The following CHM variants were observed in gnomAD, a reference collection of about 807,000 sequenced individuals.
CHM encodes the protein CHM Rab escort protein.
CHM carries 10 observed loss-of-function variants against 49.0 expected under a neutral mutation model. The ratio of observed to expected loss-of-function variants is 0.20; its 90% confidence interval spans 0.13 to 0.35. CHM has a LOEUF of 0.35. CHM is among the 10% of genes least tolerant of loss of function. CHM has a pLI of 1.00. For synonymous variants in CHM, 184 were observed against 167.5 expected (o/e 1.10, Z -0.76); for missense variants, 455 against 478.4 (o/e 0.95, Z 0.46).
intron 2 of CHM, among the ~76,000 whole-genome samples, chrX:85,989,751 T>A (rs767451264): frequency 1.8e-5 from 2 of 111,726 alleles, no homozygotes; most frequent in Non-Finnish European, 3.8e-5. Context: ...AAACTCAATA[T>A]TACTAATCAT....
At chrX:85,951,865 C>T (rs751295780) in intron 8 of CHM, among the ~76,000 whole-genome samples, 6 of 111,992 alleles carry the variant, frequency 5.4e-5, no homozygotes, top group Admixed American at 4.7e-4. Context: ...CCCAATTCCA[C>T]GGCAGTGGCC....
chrX:85,940,499 C>G (rs1378685722), intron 8 of CHM, among the ~76,000 whole-genome samples: 1 of 111,326 alleles, frequency 9.0e-6, no homozygotes, highest in Non-Finnish European at 1.9e-5. Context: ...TGTTTAGAGA[C>G]ATTTTTGTCT....
intron 13 of CHM, among the ~76,000 whole-genome samples, chrX:85,876,454 C>T (rs1355851200): frequency 9.0e-6 from 1 of 111,707 alleles, no homozygotes; most frequent in Non-Finnish European, 1.9e-5. Flanking sequence ...GAAGAATGTG[C>T]TTTAATGTAT....
intron 1 of CHM, among the ~76,000 whole-genome samples, chrX:86,031,448 T>C (rs1402085093): frequency 8.9e-6 from 1 of 112,050 alleles, no homozygotes; most frequent in African/African-American, 3.2e-5. Context: ...AGCCAGATCA[T>C]GGTCAAATCA....
At chrX:85,915,941 A>G (rs774884589) in intron 8 of CHM, among the ~76,000 whole-genome samples, 39 of 112,570 alleles carry the variant, frequency 3.5e-4, no homozygotes, top group Non-Finnish European at 6.0e-4. Flanking sequence ...GACTACAAAA[A>G]AAACTATTTT....
At chrX:86,022,791 G>A (rs1933661115) in intron 2 of CHM, among the ~76,000 whole-genome samples, 1 of 110,708 alleles carries the variant, frequency 9.0e-6, no homozygotes, top group Non-Finnish European at 1.9e-5. Flanking sequence ...GTATGTCACT[G>A]GTACCTCAAA....
intron 8 of CHM, among the ~76,000 whole-genome samples, chrX:85,927,024 G>A (rs1356225009): frequency 8.1e-5 from 9 of 110,999 alleles, no homozygotes; most frequent in African/African-American, 1.3e-4. Context: ...TGAAAAAATG[G>A]GCATTTATTT....
intron 1 of CHM, among the ~76,000 whole-genome samples, chrX:86,032,574 C>A (rs1413345248): frequency 9.0e-6 from 1 of 111,574 alleles, no homozygotes; most frequent in East Asian, 2.8e-4. Flanking sequence ...AGTCCAATAA[C>A]CTTTTCTTTA....
At position 85,978,815 on chromosome X, in the gene CHM, C is replaced by T; in HGVS notation, c.266G>A (p.Ser89Asn). The T allele has an allele frequency of 1.7e-6, 2 of 1,207,076 alleles. No individual in the cohort carries two copies. Among genetic ancestry groups the T allele is most frequent in the Non-Finnish European group, 2.2e-6 (2 of 891,726 alleles). ...ILENEEAIAL[S>N]RKDKTIQHVE... The stretch of plus-strand genomic sequence containing the variant: ...ATGTTGAATAGTTTTGTCCTTCCTG[C>T]TAAGAGCAATGGCTTCTTCATTTTC... Residue 89 changes from serine (S) to asparagine (N), a missense_variant, in exon 4 of 15, where the codon AGC becomes AAC. Coordinates refer to ENST00000357749, the MANE Select transcript of CHM (RefSeq NM_000390.4).
chrX:86,035,220 TGAGCAACGCAAA>T (rs1206275771), intron 1 of CHM, among the ~76,000 whole-genome samples: 1 of 111,910 alleles, frequency 8.9e-6, no homozygotes, highest in African/African-American at 3.3e-5. Flanking sequence ...CACTTAAAAA[TGAGCAACGCAAA>T]AGGATTTCAG....
intron 4 of CHM, among the ~76,000 whole-genome samples, chrX:85,976,470 A>C (rs1201135366): frequency 9.1e-6 from 1 of 110,472 alleles, no homozygotes; most frequent in Non-Finnish European, 1.9e-5. Flanking sequence ...AAAATACAAA[A>C]AATTAGCCGG....
At chrX:85,954,713 G>T (rs1485543949) in intron 8 of CHM, among the ~76,000 whole-genome samples, 1 of 110,210 alleles carries the variant, frequency 9.1e-6, no homozygotes, top group African/African-American at 3.3e-5. Context: ...CCAAGATGCT[G>T]AAACTCCATC....
At chrX:85,977,802 G>A (rs1439729290) in intron 4 of CHM, among the ~76,000 whole-genome samples, 1 of 111,688 alleles carries the variant, frequency 9.0e-6, no homozygotes, top group East Asian at 2.8e-4. Context: ...CATTTCAAAG[G>A]CTGTGCTTTT....
intron 6 of CHM, 72 bp from the exon 7 acceptor site, chrX:85,958,047 TC>T (rs1364043806): frequency 8.8e-7 from 1 of 1,140,237 alleles, no homozygotes; most frequent in Non-Finnish European, 1.2e-6. Context: ...TACACTTTTT[TC>T]CCCTTTACAT....
At chrX:86,026,498 C>T (rs1933830274) in intron 2 of CHM, among the ~76,000 whole-genome samples, 1 of 110,710 alleles carries the variant, frequency 9.0e-6, no homozygotes, top group Non-Finnish European at 1.9e-5. Flanking sequence ...GAGATTAACA[C>T]AAGCAGTCGT....
At chrX:85,904,655 T>C (rs1926482865) in intron 9 of CHM, among the ~76,000 whole-genome samples, 1 of 112,025 alleles carries the variant, frequency 8.9e-6, no homozygotes, top group Non-Finnish European at 1.9e-5. Flanking sequence ...CCCTAGTCAC[T>C]ATGCCCTTCT....
intron 12 of CHM, 62 bp downstream of exon 12, chrX:85,894,126 T>C: frequency 1.2e-6 from 1 of 813,360 alleles, no homozygotes. Flanking sequence ...ACAACTGTAA[T>C]AACTGCCCCC....
intron 11 of CHM, among the ~76,000 whole-genome samples, chrX:85,896,577 T>C (rs1191898276): frequency 9.1e-6 from 1 of 109,472 alleles, no homozygotes; most frequent in Non-Finnish European, 1.9e-5. Context: ...TCCTGGGAGA[T>C]ACAGAAGTGT....
At chrX:85,877,014 C>T (rs1206430442) in intron 13 of CHM, among the ~76,000 whole-genome samples, 1 of 110,044 alleles carries the variant, frequency 9.1e-6, no homozygotes, top group African/African-American at 3.3e-5. Context: ...AATTAAGAAA[C>T]TCAGGGTTTC....
Sources: gnomAD v4.1 joint callset for allele counts (sites outside exome capture counted in the v4.1 genomes callset) on GRCh38, gnomAD v4.1.1 for gene constraint, MANE v1.5 for transcripts, NCBI Gene and HGNC (gene_info 2026-07-23, HGNC 2026-07-21) for gene names.